Variants in PRKN observed in about 807,000 individuals in gnomAD.
PRKN encodes E3 ubiquitin-protein ligase parkin.
Under a neutral mutation model 59.5 loss-of-function variants are expected in PRKN, and 56 were observed. That is an observed-to-expected ratio of 0.94 (90% CI 0.76 to 1.18). The LOEUF (loss-of-function observed/expected upper bound fraction) is 1.18. Among genes scored for constraint, PRKN ranks in the 50% most tolerant of loss-of-function variants. The pLI, the probability that PRKN is intolerant of heterozygous loss-of-function variation, is 0.00. For missense variants in PRKN, 657 were observed against 596.4 expected (o/e 1.10, Z -1.06); for synonymous variants, 250 against 222.1 (o/e 1.13, Z -1.12).
rs1779880843 is a variant in PRKN, at chr6:162,562,403, CA to C, written c.8-118931del. Reference sequence around the variant, plus strand: ...ATGCCAAGTGTGCTCTTGGGGTCCCCAGTTCCAGGACTTGACCCTTGGATGG... The same window carrying C: ...ATGCCAAGTGTGCTCTTGGGGTCCCCGTTCCAGGACTTGACCCTTGGATGG... On this transcript the variant is annotated intron_variant, in intron 1 of 11. Coordinates refer to ENST00000366898, the MANE Select transcript of PRKN (RefSeq NM_004562.3). Among the ~76,000 whole-genome samples the C allele has an allele frequency of 4.6e-5, 7 of 152,270 alleles. No individual in the cohort carries two copies. In the South Asian group the frequency reaches 1.5e-3, roughly 32 times the overall value.
rs556469463 is a variant in PRKN at position 161,939,625 on chromosome 6, G to A, written c.734+33677C>T. Among the ~76,000 whole-genome samples, 8 of 150,462 alleles carry A rather than the reference G, an allele frequency of 5.3e-5. No homozygotes were observed. The South Asian group carries it at 1.5e-3, about 28-fold the overall frequency. ...TGGGTTCCTGTAATCCCAGCTACTC[G>A]GGAGGCTGAGGCAGGAGAATCATTT... On this transcript the variant is annotated intron_variant, in intron 6 of 11. Transcript: ENST00000366898.
intron 8 of PRKN, among the ~76,000 whole-genome samples, chr6:161,556,486 T>C (rs1562524308): frequency 6.6e-6 from 1 of 152,234 alleles, no homozygotes; most frequent in Non-Finnish European, 1.5e-5. Context: ...CCTTACTAAG[T>C]TACCTTCGAG....
Position 161,347,923 on chromosome 6 carries a change from A to C in PRKN, c.*2176T>G. ...GAGCCACCGCGCCCGGCCTGCTCTAACTTATTTTAAGAATCACTGTTCTAT... is the reference window on the plus strand; with the variant it reads ...GAGCCACCGCGCCCGGCCTGCTCTACCTTATTTTAAGAATCACTGTTCTAT... On this transcript the variant is annotated 3_prime_UTR_variant, in exon 12 of 12. Transcript: ENST00000366898. 6.0e-6 allele frequency: 1 copy of C among 166,076 alleles called. No homozygotes were observed. The highest frequency in any genetic ancestry group is 1.3e-5 in the Non-Finnish European group (1 of 76,158). The allele number at this position is 166,076 out of a possible 1,614,324, so 10.3% of individuals were successfully genotyped here. A position where few individuals can be genotyped will look rare whatever the true frequency, so the allele number is the denominator to read the frequency against.
chr6:161,585,660 G>C (rs1318367737), intron 7 of PRKN, among the ~76,000 whole-genome samples: 1 of 152,182 alleles, frequency 6.6e-6, no homozygotes, highest in Non-Finnish European at 1.5e-5. Flanking sequence ...AACATTTTAA[G>C]ACACAAAGGG....
intron 4 of PRKN, among the ~76,000 whole-genome samples, chr6:162,188,778 G>C (rs201351596): frequency 7.2e-6 from 1 of 139,238 alleles, no homozygotes; most frequent in Non-Finnish European, 1.6e-5. Flanking sequence ...CTTAGATTTC[G>C]TTTTTTTTTT....
chr6:161,743,396 T>TTATTTATA (rs1428163371), intron 7 of PRKN, among the ~76,000 whole-genome samples: 1 of 148,126 alleles, frequency 6.8e-6, no homozygotes, highest in African/African-American at 2.5e-5. Flanking sequence ...TTTTATTTAT[T>TTATTTATA]TATTTATTTA....
At chr6:161,450,765 C>T (rs1446278236) in intron 9 of PRKN, among the ~76,000 whole-genome samples, 2 of 152,174 alleles carry the variant, frequency 1.3e-5, no homozygotes, top group African/African-American at 2.4e-5. Flanking sequence ...CTGTGTTAGC[C>T]AGGATGGTCT....
intron 7 of PRKN, among the ~76,000 whole-genome samples, chr6:161,613,220 A>C (rs1393775107): frequency 2.6e-5 from 4 of 152,178 alleles, no homozygotes; most frequent in Non-Finnish European, 5.9e-5. Flanking sequence ...GAGGGCTTCA[A>C]GACTTCAATG....
intron 3 of PRKN, among the ~76,000 whole-genome samples, chr6:162,256,617 C>T (rs1304278292): frequency 6.6e-6 from 1 of 152,008 alleles, no homozygotes; most frequent in Non-Finnish European, 1.5e-5. Flanking sequence ...GCAGATCTCC[C>T]CATCTTGGCA....
At chr6:162,534,447 C>T (rs376113702) in intron 1 of PRKN, among the ~76,000 whole-genome samples, 1 of 152,126 alleles carries the variant, frequency 6.6e-6, no homozygotes, top group Admixed American at 6.5e-5. Context: ...TCTTTTACAA[C>T]TTGGCACGGT....
intron 2 of PRKN, among the ~76,000 whole-genome samples, chr6:162,386,706 ATG>A (rs1310185765): frequency 3.3e-5 from 5 of 152,214 alleles, no homozygotes; most frequent in African/African-American, 4.8e-5. Context: ...GCGTGTATGC[ATG>A]TGTGTGCGCA....
At chr6:161,508,906 GCGCTCTTGGCTCA>G in intron 9 of PRKN, among the ~76,000 whole-genome samples, 1 of 151,214 alleles carries the variant, frequency 6.6e-6, no homozygotes, top group South Asian at 2.1e-4. Flanking sequence ...GTGCAATGGT[GCGCTCTTGGCTCA>G]CCACAACCTC....
chr6:162,654,274 G>C lies in PRKN; in HGVS notation c.7+73388C>G, dbSNP rs926085068. ...CATGTTCATACACATGTTTTTAACA[G>C]TTATCAAGTTATGGATTAAGAAATA... On this transcript the variant is annotated intron_variant, in intron 1 of 11. Transcript: ENST00000366898. Among the ~76,000 whole-genome samples, 6 of 152,186 alleles carry C rather than the reference G, an allele frequency of 3.9e-5. No individual in the cohort carries two copies. In the South Asian group the frequency reaches 8.3e-4, roughly 21 times the overall value.
intron 6 of PRKN, among the ~76,000 whole-genome samples, chr6:161,970,560 G>A (rs113574552): frequency 0.087 from 13,122 of 150,716 alleles, 663 homozygotes; most frequent in African/African-American, 0.13. Flanking sequence ...TTCTTGAGAC[G>A]GAGTTTCACT....
intron 7 of PRKN, among the ~76,000 whole-genome samples, chr6:161,705,797 A>G (rs1024692411): frequency 6.6e-6 from 1 of 152,118 alleles, no homozygotes; most frequent in African/African-American, 2.4e-5. Flanking sequence ...TTCTTTGTCC[A>G]TTCTCATTCT....
chr6:161,854,392 C>A (rs1318274958), intron 6 of PRKN, among the ~76,000 whole-genome samples: 1 of 151,830 alleles, frequency 6.6e-6, no homozygotes, highest in African/African-American at 2.4e-5. Flanking sequence ...AAATGTTAGG[C>A]AGGAAGAATC....
intron 9 of PRKN, among the ~76,000 whole-genome samples, chr6:161,519,428 C>T (rs796950687): frequency 1.3e-4 from 6 of 45,792 alleles, no homozygotes; most frequent in African/African-American, 5.4e-4. Flanking sequence ...ACTGGTCTAG[C>T]AATTTGATTA....
intron 7 of PRKN, among the ~76,000 whole-genome samples, chr6:161,743,418 AT>A (rs1489136578): frequency 2.7e-5 from 4 of 149,222 alleles, no homozygotes; most frequent in Non-Finnish European, 5.9e-5. Flanking sequence ...TTATTTATTT[AT>A]TTTGTATTTT....
At chr6:162,172,480 CTT>C (rs1293136268) in intron 4 of PRKN, among the ~76,000 whole-genome samples, 1 of 152,210 alleles carries the variant, frequency 6.6e-6, no homozygotes, top group Non-Finnish European at 1.5e-5. Context: ...ACCCCACACT[CTT>C]ACCACAGATG....
Sources: gnomAD v4.1 joint callset for allele counts (sites outside exome capture counted in the v4.1 genomes callset) on GRCh38, gnomAD v4.1.1 for gene constraint, MANE v1.5 for transcripts, NCBI Gene and HGNC (gene_info 2026-07-23, HGNC 2026-07-21) for gene names.